The following SHISA6 variants were observed in gnomAD, a reference collection of about 807,000 sequenced individuals.
SHISA6 encodes protein shisa-6.
A neutral mutation model predicts 47.9 loss-of-function variants in SHISA6; 22 were observed. That is an observed-to-expected ratio of 0.46 (90% CI 0.33 to 0.66). The LOEUF is 0.66. Ranked by LOEUF, SHISA6 falls within the 30% of genes least tolerant of loss-of-function variation. SHISA6 has a pLI of 0.02. For missense variants in SHISA6, 680 were observed against 764.6 expected (o/e 0.89, Z 1.30); for synonymous variants, 388 against 337.8 (o/e 1.15, Z -1.63).
intron 3 of SHISA6, among the ~76,000 whole-genome samples, chr17:11,492,646 C>T (rs1454121838): frequency 1.3e-5 from 2 of 152,144 alleles, no homozygotes; most frequent in African/African-American, 2.4e-5. Flanking sequence ...CTCCTCTCTA[C>T]CCCTTCCTCC....
At chr17:11,353,328 G>A (rs567822443) in intron 2 of SHISA6, among the ~76,000 whole-genome samples, 105 of 151,918 alleles carry the variant, frequency 6.9e-4, no homozygotes, top group Non-Finnish European at 1.2e-3. Context: ...GTGGTGGTGC[G>A]CACATGTAGT....
At chr17:11,546,754 T>C (rs1436068382) in intron 3 of SHISA6, among the ~76,000 whole-genome samples, 1 of 152,176 alleles carries the variant, frequency 6.6e-6, no homozygotes, top group African/African-American at 2.4e-5. Context: ...ACCATGTCTC[T>C]GCTAAAAATA....
intron 3 of SHISA6, among the ~76,000 whole-genome samples, chr17:11,424,832 T>A (rs1296291170): frequency 6.6e-6 from 1 of 151,946 alleles, no homozygotes; most frequent in Admixed American, 6.6e-5. Flanking sequence ...TGAAACCCCG[T>A]CTCTACTAAA....
chr17:11,393,299 C>T (rs531169454), intron 3 of SHISA6, among the ~76,000 whole-genome samples: 41 of 152,254 alleles, frequency 2.7e-4, no homozygotes, highest in African/African-American at 9.4e-4. Context: ...CATCCAAGTC[C>T]GTTACCATTC....
chr17:11,438,943 A>G lies in SHISA6; in HGVS notation c.895+59434A>G, dbSNP rs893226081. Among the ~76,000 whole-genome samples the G allele has an allele frequency of 2.6e-5, 4 of 152,084 alleles. No homozygotes were observed. In the South Asian group the frequency reaches 8.3e-4, roughly 32 times the overall value. On this transcript the variant is annotated intron_variant, in intron 3 of 5. Coordinates refer to ENST00000441885, the MANE Select transcript of SHISA6 (RefSeq NM_207386.4). ...AGTCTCAGGGGAGACTGGTAAGGGA[A>G]TAGGGGAAGCAGAGCAAGGATGAAG... is the stretch of plus-strand genomic sequence containing the variant.
At chr17:11,360,066 C>A (rs1025293290) in intron 2 of SHISA6, among the ~76,000 whole-genome samples, 2 of 152,200 alleles carry the variant, frequency 1.3e-5, no homozygotes, top group Admixed American at 6.5e-5. Context: ...GGAACCAACC[C>A]AGATGCCCAT....
intron 3 of SHISA6, among the ~76,000 whole-genome samples, chr17:11,533,546 G>A (rs1361242342): frequency 6.7e-6 from 1 of 148,710 alleles, no homozygotes; most frequent in African/African-American, 2.5e-5. Flanking sequence ...CTTTATAGCT[G>A]CATTCAAGAT....
intron 2 of SHISA6, among the ~76,000 whole-genome samples, chr17:11,302,526 T>G (rs1466998638): frequency 2.0e-5 from 3 of 152,196 alleles, no homozygotes; most frequent in Admixed American, 6.5e-5. Context: ...ATGGTACATC[T>G]GGTACATGAA....
At chr17:11,411,857 C>T (rs530821716) in intron 3 of SHISA6, among the ~76,000 whole-genome samples, 46 of 152,120 alleles carry the variant, frequency 3.0e-4, no homozygotes, top group African/African-American at 7.5e-4. Context: ...TTATTGACCA[C>T]GCACGTGCAT....
chr17:11,295,220 C>T (rs890939544), intron 2 of SHISA6, among the ~76,000 whole-genome samples: 15 of 152,182 alleles, frequency 9.9e-5, no homozygotes, highest in Admixed American at 5.2e-4. Flanking sequence ...GAAAGCAAAA[C>T]GGCAGATAAT....
At chr17:11,459,205 C>G (rs1400581429) in intron 3 of SHISA6, among the ~76,000 whole-genome samples, 1 of 137,182 alleles carries the variant, frequency 7.3e-6, no homozygotes, top group African/African-American at 2.9e-5. Flanking sequence ...GGCGACAGAG[C>G]GAGACTCCAT....
At chr17:11,280,004 C>T (rs1216913888) in intron 2 of SHISA6, among the ~76,000 whole-genome samples, 1 of 152,128 alleles carries the variant, frequency 6.6e-6, no homozygotes, top group Admixed American at 6.5e-5. Flanking sequence ...TCTGTGGGCT[C>T]GAGTGAGTCA....
At chr17:11,527,809 C>CA (rs955053182) in intron 3 of SHISA6, among the ~76,000 whole-genome samples, 2 of 152,130 alleles carry the variant, frequency 1.3e-5, no homozygotes, top group South Asian at 2.1e-4. Context: ...TCTTTACACA[C>CA]AAAAAAAATT....
chr17:11,246,728 C>T (rs1378431842), intron 1 of SHISA6, among the ~76,000 whole-genome samples: 2 of 152,302 alleles, frequency 1.3e-5, no homozygotes, highest in South Asian at 2.1e-4. Context: ...TGCAGACACA[C>T]GCAGACATTC....
intron 3 of SHISA6, among the ~76,000 whole-genome samples, chr17:11,460,847 A>G (rs1050977277): frequency 6.6e-6 from 1 of 152,216 alleles, no homozygotes. Flanking sequence ...GGCCTAGCTG[A>G]GCCTACAGAG....
chr17:11,324,191 A>C (rs930425580), intron 2 of SHISA6, among the ~76,000 whole-genome samples: 3 of 152,182 alleles, frequency 2.0e-5, no homozygotes. Context: ...TCAAAGATTC[A>C]TGCAAGTGTG....
At chr17:11,340,038 G>A (rs1385109178) in intron 2 of SHISA6, among the ~76,000 whole-genome samples, 1 of 152,178 alleles carries the variant, frequency 6.6e-6, no homozygotes, top group Non-Finnish European at 1.5e-5. Context: ...AGCTGCTTAA[G>A]CAATGAAACT....
chr17:11,413,686 G>A (rs1274487954), intron 3 of SHISA6, among the ~76,000 whole-genome samples: 1 of 152,108 alleles, frequency 6.6e-6, no homozygotes, highest in East Asian at 1.9e-4. Flanking sequence ...AGGCTCACTT[G>A]GGCTTGTTCT....
At chr17:11,352,226 A>C (rs1159538299) in intron 2 of SHISA6, among the ~76,000 whole-genome samples, 3 of 152,156 alleles carry the variant, frequency 2.0e-5, no homozygotes, top group Non-Finnish European at 4.4e-5. Flanking sequence ...AAAGCAAAGG[A>C]ATCCCATGAA....
Sources: allele counts gnomAD v4.1 joint callset (sites outside exome capture counted in the v4.1 genomes callset), GRCh38; gene constraint gnomAD v4.1.1; transcripts MANE v1.5; gene names NCBI Gene and HGNC (gene_info 2026-07-23, HGNC 2026-07-21).